TMEM108: variants seen among roughly 807,000 people sequenced by gnomAD.
TMEM108 encodes cancer/testis antigen 124.
Under a neutral mutation model 35.1 loss-of-function variants are expected in TMEM108, and 12 were observed. The observed-to-expected ratio is 0.34, with a 90% confidence interval of 0.22 to 0.55. The LOEUF is 0.55. Among genes scored for constraint, TMEM108 ranks in the 20% least tolerant of loss-of-function variants. The pLI is 0.89. For missense variants in TMEM108, 680 were observed against 753.3 expected (o/e 0.90, Z 1.14); for synonymous variants, 287 against 308.6 (o/e 0.93, Z 0.73).
At chr3:133,283,781 T>C (rs1277559650) in intron 3 of TMEM108, among the ~76,000 whole-genome samples, 1 of 152,220 alleles carries the variant, frequency 6.6e-6, no homozygotes, top group Non-Finnish European at 1.5e-5. Context: ...CAAAGAAAGA[T>C]AAAATTGTAG....
chr3:133,051,456 G>A (rs1183853888), intron 2 of TMEM108, among the ~76,000 whole-genome samples: 1 of 152,054 alleles, frequency 6.6e-6, no homozygotes, highest in African/African-American at 2.4e-5. Flanking sequence ...TTCCCAATCT[G>A]TGGATTGTCT....
intron 3 of TMEM108, among the ~76,000 whole-genome samples, chr3:133,323,772 A>G (rs550550352): frequency 1.1e-4 from 16 of 152,318 alleles, no homozygotes; most frequent in African/African-American, 3.8e-4. Context: ...CTGACTTCAA[A>G]CTATACTACC....
intron 2 of TMEM108, among the ~76,000 whole-genome samples, chr3:133,218,252 T>C (rs1945937896): frequency 6.6e-6 from 1 of 152,036 alleles, no homozygotes; most frequent in African/African-American, 2.4e-5. Context: ...GTGTGTTTGT[T>C]TCTTGTATTC....
At chr3:133,296,421 A>G (rs1344371534) in intron 3 of TMEM108, among the ~76,000 whole-genome samples, 1 of 152,176 alleles carries the variant, frequency 6.6e-6, no homozygotes, top group African/African-American at 2.4e-5. Flanking sequence ...ATTTATATTT[A>G]TGCACAAAGA....
chr3:133,080,064 C>T (rs1374341949), intron 2 of TMEM108, among the ~76,000 whole-genome samples: 1 of 152,074 alleles, frequency 6.6e-6, no homozygotes, highest in Non-Finnish European at 1.5e-5. Context: ...TCATCTCGTC[C>T]AAGGTAGATG....
intron 3 of TMEM108, among the ~76,000 whole-genome samples, chr3:133,370,869 ATAGTGT>A: frequency 1.1e-5 from 1 of 93,684 alleles, no homozygotes; most frequent in Non-Finnish European, 2.3e-5. Context: ...TCCCCAGCCC[ATAGTGT>A]GTGTGTGTGT....
chr3:133,359,617 G>A (rs2072283620), intron 3 of TMEM108, among the ~76,000 whole-genome samples: 1 of 152,140 alleles, frequency 6.6e-6, no homozygotes, highest in Non-Finnish European at 1.5e-5. Flanking sequence ...GGTTAAAGCT[G>A]GGAGAGAGAC....
Position 133,052,539 on chromosome 3 carries a change from T to C in TMEM108, c.-47+6519T>C, listed in dbSNP as rs192465218. 1.8e-3 allele frequency among the ~76,000 whole-genome samples: 259 copies of C among 147,734 alleles called. 2 individuals carry two copies. The highest frequency in any genetic ancestry group is 6.3e-3 in the African/African-American group (254 of 40,416). On this transcript the variant is annotated intron_variant, in intron 2 of 5. Coordinates refer to ENST00000321871, the MANE Select transcript of TMEM108 (RefSeq NM_023943.4). Reference sequence around the variant, plus strand: ...TTACCCAGGACTTCTAGTACAATGTTTGAAAAAAAAAAAAAAAAGTAGTGA... The same window carrying C: ...TTACCCAGGACTTCTAGTACAATGTCTGAAAAAAAAAAAAAAAAGTAGTGA...
At chr3:133,138,847 G>A (rs1267610215) in intron 2 of TMEM108, among the ~76,000 whole-genome samples, 2 of 151,820 alleles carry the variant, frequency 1.3e-5, no homozygotes, top group Non-Finnish European at 2.9e-5. Flanking sequence ...ACATGCCATG[G>A]TGGTTTGTGG....
intron 2 of TMEM108, among the ~76,000 whole-genome samples, chr3:133,108,885 T>C (rs1486858941): frequency 6.6e-6 from 1 of 151,538 alleles, no homozygotes; most frequent in Non-Finnish European, 1.5e-5. Flanking sequence ...TACCTAATGC[T>C]AAATGACGAG....
intron 2 of TMEM108, among the ~76,000 whole-genome samples, chr3:133,161,227 A>G (rs1944956888): frequency 6.6e-6 from 1 of 152,150 alleles, no homozygotes; most frequent in African/African-American, 2.4e-5. Context: ...ACTTGTGTAC[A>G]TGCAGTTTCT....
chr3:133,061,940 A>G (rs1943541891), intron 2 of TMEM108, among the ~76,000 whole-genome samples: 1 of 152,198 alleles, frequency 6.6e-6, no homozygotes, highest in Non-Finnish European at 1.5e-5. Context: ...CTCCAGTACC[A>G]TTTAACTGAG....
intron 2 of TMEM108, among the ~76,000 whole-genome samples, chr3:133,081,357 A>G (rs1451096173): frequency 6.6e-6 from 1 of 152,222 alleles, no homozygotes; most frequent in East Asian, 1.9e-4. Flanking sequence ...AAAGGGAAAG[A>G]ATAAGCACTC....
chr3:133,075,972 C>G (rs1189884942), intron 2 of TMEM108, among the ~76,000 whole-genome samples: 1 of 151,864 alleles, frequency 6.6e-6, no homozygotes, highest in East Asian at 1.9e-4. Flanking sequence ...GGAAAGATTG[C>G]TAGGTAAGGG....
intron 2 of TMEM108, among the ~76,000 whole-genome samples, chr3:133,187,679 G>A (rs1454365459): frequency 6.6e-6 from 1 of 152,078 alleles, no homozygotes; most frequent in Non-Finnish European, 1.5e-5. Context: ...GAACCCAGGA[G>A]GCAGAGATTG....
At chr3:133,145,950 G>A (rs188800324) in intron 2 of TMEM108, among the ~76,000 whole-genome samples, 8 of 152,014 alleles carry the variant, frequency 5.3e-5, no homozygotes, top group Admixed American at 1.3e-4. Context: ...ATTTGAATAC[G>A]CTTTATTTCT....
chr3:133,176,610 T>G (rs983721997), intron 2 of TMEM108, among the ~76,000 whole-genome samples: 1 of 152,068 alleles, frequency 6.6e-6, no homozygotes, highest in African/African-American at 2.4e-5. Flanking sequence ...AGATGTTCTT[T>G]GAAACCAACG....
At chr3:133,358,099 A>G (rs1037854965) in intron 3 of TMEM108, among the ~76,000 whole-genome samples, 1 of 152,070 alleles carries the variant, frequency 6.6e-6, no homozygotes, top group South Asian at 2.1e-4. Flanking sequence ...TTGTCCTCAG[A>G]TGGTTTTGAC....
intron 2 of TMEM108, among the ~76,000 whole-genome samples, chr3:133,222,067 G>C (rs2167136): frequency 2.6e-5 from 4 of 152,144 alleles, no homozygotes; most frequent in Non-Finnish European, 5.9e-5. Flanking sequence ...TTTTAGCTCA[G>C]AGAACTCCCT....
Sources: allele counts gnomAD v4.1 joint callset (sites outside exome capture counted in the v4.1 genomes callset), GRCh38; gene constraint gnomAD v4.1.1; transcripts MANE v1.5; gene names NCBI Gene and HGNC (gene_info 2026-07-23, HGNC 2026-07-21).